The following PEBP4 variants were observed in gnomAD, a reference collection of about 807,000 sequenced individuals.
The protein encoded by PEBP4 is phosphatidylethanolamine-binding protein 4.
Under a neutral mutation model 23.9 loss-of-function variants are expected in PEBP4, and 22 were observed. The observed-to-expected ratio is 0.92, with a 90% CI of 0.66 to 1.31. The LOEUF (loss-of-function observed/expected upper bound fraction) is 1.31, where lower values mean the gene tolerates loss of function less well. Among genes scored for constraint, PEBP4 ranks in the 40% most tolerant of loss-of-function variants. The pLI, the probability that PEBP4 is intolerant of heterozygous loss-of-function variation, is 0.00. For synonymous variants in PEBP4, 112 were observed against 99.3 expected (o/e 1.13, Z -0.76); for missense variants, 324 against 281.7 (o/e 1.15, Z -1.07).
chr8:22,884,440 G>A (rs1033341109), intron 3 of PEBP4: 31 of 152,326 alleles, frequency 2.0e-4, no homozygotes, highest in Admixed American at 1.6e-3. Context: ...ATGTCAGGAT[G>A]TGCATTCTTC....
intron 4 of PEBP4, among the ~76,000 whole-genome samples, chr8:22,789,521 G>A (rs1806095317): frequency 1.3e-5 from 2 of 152,162 alleles, no homozygotes; most frequent in African/African-American, 4.8e-5. Flanking sequence ...AGCCCCCTGA[G>A]GTGGGGCTGT....
At chr8:22,798,721 CTTTTTTCTTTTTTTTTTTTTTTT>C in intron 4 of PEBP4, 1 of 77,102 alleles carries the variant, frequency 1.3e-5, no homozygotes, top group South Asian at 5.3e-4. Context: ...TTTTTCTTTT[CTTTTTTCTTTTTTTTTTTTTTTT>C]TTTTTTTTTT....
intron 3 of PEBP4, among the ~76,000 whole-genome samples, chr8:22,898,032 C>T (rs1808624713): frequency 6.6e-6 from 1 of 152,144 alleles, no homozygotes; most frequent in South Asian, 2.1e-4. Flanking sequence ...AAAACTGAAT[C>T]TTCTGGCACC....
At position 22,839,168 on chromosome 8, in the gene PEBP4, C is replaced by CCCA. The variant is rs577079274; in HGVS notation, c.259-21434_259-21433insTGG. Among the ~76,000 whole-genome samples the CCCA allele has an allele frequency of 1.0e-3, 155 of 152,330 alleles. 1 individual carries two copies. The highest frequency in any genetic ancestry group is 8.9e-3 in the Admixed American group (137 of 15,308). On this transcript the variant is annotated intron_variant, in intron 3 of 6. Coordinates refer to ENST00000256404, the MANE Select transcript of PEBP4 (RefSeq NM_144962.3). ...AAAGGTGGCGTTTTTCACACTTGTT[C>CCCA]GGGATGACCAAGCCCAGATAGATGG...
At chr8:22,724,227 C>T (rs537490957) in intron 6 of PEBP4, among the ~76,000 whole-genome samples, 3 of 152,288 alleles carry the variant, frequency 2.0e-5, no homozygotes, top group Admixed American at 6.5e-5. Context: ...CAAGTGGCCA[C>T]CGCTCCTGCT....
chr8:22,917,763 G>T (rs775212203), intron 3 of PEBP4, among the ~76,000 whole-genome samples: 1 of 152,190 alleles, frequency 6.6e-6, no homozygotes, highest in Non-Finnish European at 1.5e-5. Flanking sequence ...TCACTGCTAG[G>T]TTCAGGGATA....
chr8:22,861,795 G>C (rs982678381), intron 3 of PEBP4, among the ~76,000 whole-genome samples: 1 of 152,152 alleles, frequency 6.6e-6, no homozygotes, highest in African/African-American at 2.4e-5. Flanking sequence ...AGAGGTATGG[G>C]GTAGGGGTGG....
chr8:22,792,916 C>A (rs1322910795), intron 4 of PEBP4, among the ~76,000 whole-genome samples: 1 of 152,140 alleles, frequency 6.6e-6, no homozygotes, highest in African/African-American at 2.4e-5. Context: ...GGAGTGGGAC[C>A]CTTACCTAAT....
intron 5 of PEBP4, among the ~76,000 whole-genome samples, chr8:22,726,507 C>T (rs1157703508): frequency 6.6e-6 from 1 of 152,252 alleles, no homozygotes; most frequent in East Asian, 1.9e-4. Flanking sequence ...CCTCAAGAAT[C>T]CCCTCTTCAA....
At position 22,881,128 on chromosome 8, in the gene PEBP4, C is replaced by T. The variant is rs1008086992; in HGVS notation, c.258+39056G>A. On this transcript the variant is annotated intron_variant, in intron 3 of 6. Coordinates refer to ENST00000256404, the MANE Select transcript of PEBP4 (RefSeq NM_144962.3). ...GGATATTCCTACCTCTCCCTCTTGG[C>T]GTCCAAAAGTGACTGTGGCCTTGAG... Among the ~76,000 whole-genome samples the T allele has an allele frequency of 2.6e-5, 4 of 152,232 alleles. No homozygotes were observed. In the South Asian group the frequency reaches 6.2e-4, roughly 24 times the overall value.
At position 22,925,130 on chromosome 8, in the gene PEBP4, C is replaced by T. The variant is rs146370636; in HGVS notation, c.131+2454G>A. ...CTTGATGCATTTTTCATTTCATCATCATTCATGATGCTCTCTTCCAAACAA... is the reference window on the plus strand; with the variant it reads ...CTTGATGCATTTTTCATTTCATCATTATTCATGATGCTCTCTTCCAAACAA... On this transcript the variant is annotated intron_variant, in intron 2 of 6. Transcript: ENST00000256404. 3.3e-5 allele frequency: 33 copies of T among 985,376 alleles called. No homozygotes were observed. The East Asian group carries it at 3.6e-3, about 109-fold the overall frequency. 61.0% of individuals were successfully genotyped at this position (985,376 alleles called of 1,614,324 possible). A position where few individuals can be genotyped will look rare whatever the true frequency, so the allele number is the denominator to read the frequency against.
At chr8:22,940,425 A>G (rs1392315510) in intron 1 of PEBP4, among the ~76,000 whole-genome samples, 9 of 152,158 alleles carry the variant, frequency 5.9e-5, no homozygotes, top group Admixed American at 5.9e-4. Flanking sequence ...ATAATGCCTC[A>G]AATGATGTGC....
At chr8:22,790,500 A>T (rs1158875774) in intron 4 of PEBP4, among the ~76,000 whole-genome samples, 1 of 152,176 alleles carries the variant, frequency 6.6e-6, no homozygotes, top group Non-Finnish European at 1.5e-5. Context: ...CATCCCAGAC[A>T]AGGCCCCTAA....
At chr8:22,907,237 T>A (rs1808835740) in intron 3 of PEBP4, among the ~76,000 whole-genome samples, 1 of 152,102 alleles carries the variant, frequency 6.6e-6, no homozygotes, top group African/African-American at 2.4e-5. Context: ...GGCGAGCAGA[T>A]CACTCCGAGG....
At chr8:22,739,697 A>G (rs1272698691) in intron 4 of PEBP4, among the ~76,000 whole-genome samples, 1 of 151,932 alleles carries the variant, frequency 6.6e-6, no homozygotes, top group Non-Finnish European at 1.5e-5. Context: ...GTGGCTCAGC[A>G]GTCTCCCCGA....
chr8:22,813,840 T>C (rs1224700766), intron 4 of PEBP4, among the ~76,000 whole-genome samples: 1 of 152,198 alleles, frequency 6.6e-6, no homozygotes, highest in African/African-American at 2.4e-5. Context: ...CCTAGTCCTG[T>C]TCCTGAGTTG....
chr8:22,726,106 C>T (rs1243246693), intron 5 of PEBP4, among the ~76,000 whole-genome samples: 2 of 151,888 alleles, frequency 1.3e-5, no homozygotes, highest in African/African-American at 2.4e-5. Context: ...AGGTCCCACT[C>T]GGGGTGGGTG....
intron 4 of PEBP4, among the ~76,000 whole-genome samples, chr8:22,759,256 G>T (rs1249940055): frequency 1.8e-5 from 2 of 109,900 alleles, no homozygotes; most frequent in East Asian, 3.7e-4. Context: ...CGGAGGCCCA[G>T]GGAGGCCCAG....
chr8:22,725,986 G>T (rs188739577), intron 5 of PEBP4, among the ~76,000 whole-genome samples: 1 of 135,742 alleles, frequency 7.4e-6, no homozygotes, highest in African/African-American at 2.6e-5. Flanking sequence ...TTTTTGGATC[G>T]CAGATCAGAT....
Sources: allele counts gnomAD v4.1 joint callset (sites outside exome capture counted in the v4.1 genomes callset), GRCh38; gene constraint gnomAD v4.1.1; transcripts MANE v1.5; gene names NCBI Gene and HGNC (gene_info 2026-07-23, HGNC 2026-07-21).